Variants in AUTS2 observed in about 807,000 individuals in gnomAD.
AUTS2 encodes activator of transcription and developmental regulator AUTS2.
In AUTS2, 17 loss-of-function variants were observed where a neutral mutation model predicts 112.4. That is an observed-to-expected ratio of 0.15 (90% CI 0.10 to 0.23). AUTS2 has a LOEUF of 0.23. Among genes scored for constraint, AUTS2 ranks in the 10% least tolerant of loss-of-function variants. The pLI, the probability that AUTS2 is intolerant of heterozygous loss-of-function variation, is 1.00. For missense variants in AUTS2, 1,510 were observed against 1,701.6 expected (o/e 0.89, Z 1.98); for synonymous variants, 751 against 702.7 (o/e 1.07, Z -1.09).
chr7:70,707,232 G>T (rs1440631421), intron 6 of AUTS2, among the ~76,000 whole-genome samples: 2 of 152,182 alleles, frequency 1.3e-5, no homozygotes, highest in African/African-American at 2.4e-5. Flanking sequence ...CATTTTATAG[G>T]CAGGGAAACT....
intron 5 of AUTS2, among the ~76,000 whole-genome samples, chr7:70,619,486 C>CT (rs1379304081): frequency 1.3e-5 from 2 of 151,754 alleles, no homozygotes; most frequent in African/African-American, 4.8e-5. Context: ...GAAGAGAGAG[C>CT]TGCGTTCTGA....
intron 1 of AUTS2, among the ~76,000 whole-genome samples, chr7:69,643,545 G>A (rs568984194): frequency 1.3e-5 from 2 of 152,168 alleles, no homozygotes; most frequent in Admixed American, 6.5e-5. Context: ...GCTCCACAGA[G>A]TATTTGTACC....
intron 4 of AUTS2, among the ~76,000 whole-genome samples, chr7:70,282,083 G>A (rs1584969851): frequency 1.3e-5 from 2 of 151,938 alleles, no homozygotes; most frequent in Non-Finnish European, 1.5e-5. Flanking sequence ...TGTGTGTGCT[G>A]GGGAGCAATA....
At chr7:69,611,944 A>AAAAAAG (rs1793061972) in intron 1 of AUTS2, among the ~76,000 whole-genome samples, 1 of 151,084 alleles carries the variant, frequency 6.6e-6, no homozygotes, top group Non-Finnish European at 1.5e-5. Flanking sequence ...CTCAAAAAAA[A>AAAAAAG]AAAAAAAAAA....
At chr7:70,114,153 A>G (rs1204898546) in intron 2 of AUTS2, among the ~76,000 whole-genome samples, 2 of 152,212 alleles carry the variant, frequency 1.3e-5, no homozygotes, top group Admixed American at 6.5e-5. Context: ...TGCCCAAACT[A>G]TTGAATATAT....
At chr7:70,444,373 T>TGTGTGTGTGTGTGTGTGTGTGAGAGA (rs372696006) in intron 5 of AUTS2, among the ~76,000 whole-genome samples, 33 of 142,492 alleles carry the variant, frequency 2.3e-4, no homozygotes, top group Middle Eastern at 3.6e-3. Flanking sequence ...TGTGTGTGTG[T>TGTGTGTGTGTGTGTGTGTGTGAGAGA]GAGAGAGAGA....
chr7:70,227,647 A>G (rs922974722), intron 4 of AUTS2, among the ~76,000 whole-genome samples: 2 of 151,988 alleles, frequency 1.3e-5, no homozygotes, highest in African/African-American at 2.4e-5. Flanking sequence ...TTTTATTTCT[A>G]TTCCGTTCAA....
chr7:69,715,458 A>G (rs1798562818), intron 1 of AUTS2, among the ~76,000 whole-genome samples: 1 of 152,170 alleles, frequency 6.6e-6, no homozygotes, highest in African/African-American at 2.4e-5. Flanking sequence ...GATTCCCTCC[A>G]GATCCTTGGT....
chr7:70,755,591 G>T lies in AUTS2; in HGVS notation c.743-7279G>T, dbSNP rs573834242. Among the ~76,000 whole-genome samples the T allele has an allele frequency of 1.2e-4, 18 of 152,010 alleles. No homozygotes were observed. In the South Asian group the frequency reaches 3.3e-3, roughly 28 times the overall value. ...TTGTCAGAAGAATCAGTTGAACCTG[G>T]GAGGTGAGGCAGAGGCTGCAGTGAG... On this transcript the variant is annotated intron_variant, in intron 6 of 18. Transcript: ENST00000342771.
chr7:70,397,323 C>T (rs1271584285), intron 4 of AUTS2, among the ~76,000 whole-genome samples: 2 of 152,026 alleles, frequency 1.3e-5, no homozygotes. Context: ...CCTCGGCCTC[C>T]CAAAGTGCTG....
intron 5 of AUTS2, among the ~76,000 whole-genome samples, chr7:70,584,795 C>T (rs767092816): frequency 1.3e-5 from 2 of 152,260 alleles, no homozygotes; most frequent in Non-Finnish European, 2.9e-5. Flanking sequence ...CTGCCAGCCA[C>T]GAAGGGCGTG....
intron 2 of AUTS2, among the ~76,000 whole-genome samples, chr7:70,084,201 AG>A (rs540443655): frequency 5.3e-5 from 8 of 151,680 alleles, no homozygotes; most frequent in East Asian, 1.9e-4. Context: ...TTTTTGGAGG[AG>A]GGGGGGTTCT....
chr7:69,708,149 G>A (rs1798149213), intron 1 of AUTS2, among the ~76,000 whole-genome samples: 1 of 152,148 alleles, frequency 6.6e-6, no homozygotes, highest in Non-Finnish European at 1.5e-5. Flanking sequence ...GAATGGCTCA[G>A]AGAGGACACT....
intron 6 of AUTS2, among the ~76,000 whole-genome samples, chr7:70,729,667 G>A (rs191811049): frequency 9.9e-4 from 151 of 152,272 alleles, no homozygotes; most frequent in Middle Eastern, 3.4e-3. Context: ...ATAAAGCTGC[G>A]GAAATTATTC....
chr7:70,290,430 G>C, intron 4 of AUTS2: 1 of 1,542,734 alleles, frequency 6.5e-7, no homozygotes, highest in Non-Finnish European at 8.7e-7. Flanking sequence ...ATATGAAGAG[G>C]GATGTCAGCA....
chr7:70,638,838 C>T (rs1805659563), intron 5 of AUTS2, among the ~76,000 whole-genome samples: 1 of 152,146 alleles, frequency 6.6e-6, no homozygotes, highest in Admixed American at 6.5e-5. Flanking sequence ...AAATCTCGGT[C>T]CATTGTATTA....
At chr7:70,286,070 A>G (rs1177157141) in intron 4 of AUTS2, among the ~76,000 whole-genome samples, 1 of 152,240 alleles carries the variant, frequency 6.6e-6, no homozygotes, top group Non-Finnish European at 1.5e-5. Context: ...CAGAGAAAGC[A>G]GCACGTTCAA....
chr7:70,338,836 A>C (rs1042443665), intron 4 of AUTS2, among the ~76,000 whole-genome samples: 2 of 106,606 alleles, frequency 1.9e-5, no homozygotes, highest in Admixed American at 8.6e-5. Context: ...CTCATCTCTT[A>C]TTTATTTATT....
At chr7:69,883,877 C>T (rs926640563) in intron 1 of AUTS2, among the ~76,000 whole-genome samples, 4 of 152,306 alleles carry the variant, frequency 2.6e-5, no homozygotes, top group African/African-American at 7.2e-5. Context: ...CAAATATATA[C>T]GCGTTTGCCA....
Sources: gnomAD v4.1 joint callset for allele counts (sites outside exome capture counted in the v4.1 genomes callset) on GRCh38, gnomAD v4.1.1 for gene constraint, MANE v1.5 for transcripts, NCBI Gene and HGNC (gene_info 2026-07-23, HGNC 2026-07-21) for gene names.